The following MAN1C1 variants were observed in gnomAD, a reference collection of about 807,000 sequenced individuals.
MAN1C1 encodes mannosyl-oligosaccharide 1,2-alpha-mannosidase IC.
In MAN1C1, 49 loss-of-function variants were observed where a neutral mutation model predicts 71.5. The observed-to-expected ratio is 0.69, with a 90% confidence interval of 0.54 to 0.87. MAN1C1 has a LOEUF of 0.87. MAN1C1 is among the 40% of genes least tolerant of loss of function. MAN1C1 has a pLI of 0.00. For missense variants in MAN1C1, 743 were observed against 835.0 expected, an observed-to-expected ratio of 0.89 and a Z score of 1.36; for synonymous variants, 352 against 343.7, an observed-to-expected ratio of 1.02 and a Z score of -0.27.
rs553607661 is a variant in MAN1C1, at chr1:25,617,732, C to T, written c.-66C>T. ...CGGGCGGCGCTCCGGACGCCCTCCC[C>T]TCACCGCGCCCCCGCAGACACGTGC... On this transcript the variant is annotated 5_prime_UTR_variant, in exon 1 of 12. Transcript: ENST00000374332. The surrounding 1 kb of genome is among the most constrained non-coding windows in gnomAD (Gnocchi z 5.1). 1.2e-4 allele frequency: 174 copies of T among 1,470,068 alleles called. 1 individual carries two copies. The South Asian group carries it at 2.2e-3, about 18-fold the overall frequency. 91.1% of individuals were successfully genotyped at this position (1,470,068 alleles called of 1,614,324 possible).
intron 7 of MAN1C1, among the ~76,000 whole-genome samples, chr1:25,765,002 C>T (rs780251302): frequency 1.3e-5 from 2 of 151,960 alleles, no homozygotes; most frequent in African/African-American, 2.4e-5. Context: ...GAGCCAAGAC[C>T]GCACCACTGC....
At chr1:25,722,651 T>C (rs1485732236) in intron 2 of MAN1C1, among the ~76,000 whole-genome samples, 2 of 152,278 alleles carry the variant, frequency 1.3e-5, no homozygotes, top group Non-Finnish European at 2.9e-5. Context: ...TATTTTGTTT[T>C]TGAAGTTTTC....
intron 2 of MAN1C1, among the ~76,000 whole-genome samples, chr1:25,708,970 A>G (rs2046565882): frequency 6.6e-6 from 1 of 152,104 alleles, no homozygotes. Context: ...GGGTCTTGGC[A>G]CTTGCATTTT....
At chr1:25,767,203 C>T (rs1317193019) in intron 7 of MAN1C1, among the ~76,000 whole-genome samples, 3 of 128,418 alleles carry the variant, frequency 2.3e-5, no homozygotes, top group Non-Finnish European at 3.2e-5. Context: ...GACACACACA[C>T]ATTACACACT....
chr1:25,663,420 A>G (rs961215025), intron 1 of MAN1C1, among the ~76,000 whole-genome samples: 18 of 152,114 alleles, frequency 1.2e-4, no homozygotes, highest in Non-Finnish European at 2.1e-4. Context: ...TTCTTCCTAT[A>G]CATATGTTGC....
Position 25,618,281 on chromosome 1 carries a change from G to A in MAN1C1, c.484G>A (p.Asp162Asn). 6.2e-7 allele frequency: 1 copy of A among 1,603,970 alleles called. No individual in the cohort carries two copies. The highest frequency in any genetic ancestry group is 8.5e-7 in the Non-Finnish European group (1 of 1,176,992). Reference sequence around the variant, plus strand: ...CCACCCGGTCCTGGGAACGAGGGCCGATGAGAGTCAGGAGCCCCAGAGCCA... The same window carrying A: ...CCACCCGGTCCTGGGAACGAGGGCCAATGAGAGTCAGGAGCCCCAGAGCCA... ...LRHPVLGTRA[D>N]ESQEPQSQVR... is the part of the protein sequence containing the mutation. The change falls in exon 1 of 12, where the codon GAT becomes AAT. Residue 162 changes from aspartate to asparagine, a missense_variant. Transcript: ENST00000374332.
intron 2 of MAN1C1, among the ~76,000 whole-genome samples, chr1:25,739,464 C>T (rs2047029661): frequency 6.6e-6 from 1 of 152,010 alleles, no homozygotes; most frequent in Admixed American, 6.5e-5. Flanking sequence ...TAGGCTATGC[C>T]TTGGGTGATT....
chr1:25,661,317 C>A (rs957973628), intron 1 of MAN1C1, among the ~76,000 whole-genome samples: 1 of 152,188 alleles, frequency 6.6e-6, no homozygotes, highest in Non-Finnish European at 1.5e-5. Context: ...AAATAAGTAT[C>A]CAGTGTGGAC....
At chr1:25,632,530 T>C (rs902071094) in intron 1 of MAN1C1, among the ~76,000 whole-genome samples, 1 of 152,212 alleles carries the variant, frequency 6.6e-6, no homozygotes, top group Non-Finnish European at 1.5e-5. Context: ...TTTCTTTTCC[T>C]CTGCTAGCTT....
chr1:25,646,784 A>G (rs572698118), intron 1 of MAN1C1, among the ~76,000 whole-genome samples: 13 of 152,312 alleles, frequency 8.5e-5, no homozygotes, highest in African/African-American at 3.1e-4. Flanking sequence ...ATCCCATTGT[A>G]TGGGTAGACC....
intron 8 of MAN1C1, among the ~76,000 whole-genome samples, chr1:25,777,003 G>A (rs1008218581): frequency 4.6e-5 from 7 of 152,188 alleles, no homozygotes; most frequent in African/African-American, 1.7e-4. Context: ...GGAACTGGTG[G>A]AGATGAAATT....
chr1:25,692,917 T>G (rs2124194381), intron 2 of MAN1C1, among the ~76,000 whole-genome samples: 1 of 152,286 alleles, frequency 6.6e-6, no homozygotes, highest in East Asian at 1.9e-4. Flanking sequence ...CCTCTTTTCT[T>G]CCACCATAGG....
At chr1:25,625,710 A>C (rs562131220) in intron 1 of MAN1C1, among the ~76,000 whole-genome samples, 1 of 152,154 alleles carries the variant, frequency 6.6e-6, no homozygotes, top group East Asian at 1.9e-4. Flanking sequence ...GTTCCCAGCT[A>C]CTCAGGAGGC....
At chr1:25,748,482 C>G (rs1180783582) in intron 3 of MAN1C1, among the ~76,000 whole-genome samples, 1 of 152,196 alleles carries the variant, frequency 6.6e-6, no homozygotes, top group Non-Finnish European at 1.5e-5. Flanking sequence ...CTCTGCAGCT[C>G]CCCTGTGTCC....
intron 6 of MAN1C1, among the ~76,000 whole-genome samples, chr1:25,762,125 TTC>T (rs1491358072): frequency 0.018 from 1,475 of 81,808 alleles, 46 homozygotes; most frequent in African/African-American, 0.092. Flanking sequence ...TTCTTTTCTT[TTC>T]TTTTTTTTTT....
rs773393087 is a variant in MAN1C1 at position 25,617,785 on chromosome 1, C to G, written c.-13C>G. The G allele has an allele frequency of 5.7e-6, 9 of 1,577,314 alleles. No homozygotes were observed. In the Admixed American group the frequency reaches 1.1e-4, roughly 19 times the overall value. On this transcript the variant is annotated 5_prime_UTR_variant, in exon 1 of 12. Coordinates refer to ENST00000374332, the MANE Select transcript of MAN1C1 (RefSeq NM_020379.4). The surrounding 1 kb of genome is among the most constrained non-coding windows in gnomAD (Gnocchi z 5.1). ...GGACTCCGAGGGCTTCTGGAGCCAC[C>G]GGCCGGGCCACGATGCTCATGAGGA...
At position 25,778,316 on chromosome 1, in the gene MAN1C1, C is replaced by T. The variant is rs761074496; in HGVS notation, c.1469C>T (p.Ala490Val). Reference sequence around the variant, plus strand: ...ACCAAGACGTGTCACGAGTCATACGCCCGCTCAGGTAACCCTGCAAGGGGA... The same window carrying T: ...ACCAAGACGTGTCACGAGTCATACGTCCGCTCAGGTAACCCTGCAAGGGGA... ...QITKTCHESYARSDTKLGPEA... is the reference protein window; with the variant it reads ...QITKTCHESYVRSDTKLGPEA... Residue 490 changes from alanine to valine, a missense_variant, in exon 9 of 12, where the codon GCC becomes GTC. By Grantham distance (64) the Ala-to-Val change is moderately conservative (BLOSUM62 0). Transcript: ENST00000374332. The surrounding 1 kb of genome is among the most constrained non-coding windows in gnomAD (Gnocchi z 5.5). 1.2e-6 allele frequency: 2 copies of T among 1,609,252 alleles called. No individual in the cohort carries two copies. Among genetic ancestry groups the T allele is most frequent in the Non-Finnish European group, 1.7e-6 (2 of 1,176,938 alleles).
rs76518448 is a variant in MAN1C1, at chr1:25,694,046, G to C, written c.637+7510G>C. Among the ~76,000 whole-genome samples the C allele has an allele frequency of 9.7e-3, 1,481 of 152,328 alleles. 27 individuals carry two copies. Among genetic ancestry groups the C allele is most frequent in the African/African-American group, 0.032 (1,316 of 41,564 alleles). ...TCCAAGGAAAGAAACAGTGCCTGGTGCAGAGTAGGCTTTCAGTACATTTTG... is the reference window on the plus strand; with the variant it reads ...TCCAAGGAAAGAAACAGTGCCTGGTCCAGAGTAGGCTTTCAGTACATTTTG... On this transcript the variant is annotated intron_variant, in intron 2 of 11. Transcript: ENST00000374332.
intron 2 of MAN1C1, among the ~76,000 whole-genome samples, chr1:25,745,408 C>T: frequency 6.6e-6 from 1 of 151,886 alleles, no homozygotes; most frequent in East Asian, 1.9e-4. Flanking sequence ...TCAAAAGGCA[C>T]CTGTAATCCC....
Sources: gnomAD v4.1 joint callset for allele counts (sites outside exome capture counted in the v4.1 genomes callset) on GRCh38, gnomAD v4.1.1 for gene constraint, Gnocchi (gnomAD v3.1) non-coding constraint, MANE v1.5 for transcripts, NCBI Gene and HGNC (gene_info 2026-07-23, HGNC 2026-07-21) for gene names.